SETMAR: variants seen among roughly 807,000 people sequenced by gnomAD.
SETMAR encodes histone-lysine N-methyltransferase SETMAR.
In SETMAR, 44 loss-of-function variants were observed where a neutral mutation model predicts 58.4. The ratio of observed to expected loss-of-function variants is 0.75; its 90% CI spans 0.59 to 0.97. The LOEUF (loss-of-function observed/expected upper bound fraction) is 0.97. Ranked by LOEUF, SETMAR falls within the 50% of genes least tolerant of loss-of-function variation. SETMAR has a pLI of 0.00. For missense variants in SETMAR, 903 were observed against 840.2 expected, an observed-to-expected ratio of 1.07 and a Z score of -0.92; for synonymous variants, 332 against 307.4, an observed-to-expected ratio of 1.08 and a Z score of -0.84.
At chr3:4,307,335 A>T (rs1156921348) in intron 1 of SETMAR, among the ~76,000 whole-genome samples, 2 of 152,214 alleles carry the variant, frequency 1.3e-5, no homozygotes, top group Non-Finnish European at 2.9e-5. Context: ...TCCTATGGAT[A>T]GGAACCCCAC....
In SETMAR at chr3:4,313,142, A is replaced by T. The variant is rs138879830; in HGVS notation, c.401A>T (p.Gln134Leu). The change falls in exon 2 of 3, where the codon CAG (glutamine) becomes CTG (leucine). Residue 134 changes from glutamine (Q) to leucine (L), a missense_variant. By Grantham distance (113) the Gln-to-Leu change is moderately radical. Transcript: ENST00000358065. The part of the protein sequence containing the change: ...CSDHCRNRVV[Q>L]KGLQFHFQVF... The stretch of plus-strand genomic sequence containing the variant: ...GACCACTGCAGAAACAGAGTGGTCC[A>T]GAAAGGTCTACAGTTCCACTTCCAA... The T allele has an allele frequency of 2.9e-4, 471 of 1,613,950 alleles. No homozygotes were observed. The highest frequency in any genetic ancestry group is 3.6e-4 in the Non-Finnish European group (428 of 1,179,978).
intron 1 of SETMAR, among the ~76,000 whole-genome samples, 184 bp from the exon 2 acceptor site, chr3:4,312,714 A>AAAC (rs1553553377): frequency 6.6e-6 from 1 of 151,590 alleles, no homozygotes; most frequent in African/African-American, 2.4e-5. Flanking sequence ...AAAAAAAAAA[A>AAAC]AAAAAAACTT....
intron 1 of SETMAR, among the ~76,000 whole-genome samples, chr3:4,305,021 A>G (rs1054281158): frequency 1.3e-5 from 2 of 152,042 alleles, no homozygotes; most frequent in South Asian, 2.1e-4. Context: ...CTGGTTAACA[A>G]TTTTTCTGGT....
Position 4,316,846 on chromosome 3 carries a change from A to T in SETMAR, c.1655A>T (p.Glu552Val). 1 of 1,550,090 alleles carries T rather than the reference A, an allele frequency of 6.5e-7. No homozygotes were observed. The highest frequency in any genetic ancestry group is 8.7e-7 in the Non-Finnish European group (1 of 1,146,740). Residue 552 changes from glutamate (E) to valine (V), a missense_variant, in exon 3 of 3, where the codon GAA becomes GTA. Glu to Val is a moderately radical substitution (Grantham distance 121, BLOSUM62 -2). Coordinates refer to ENST00000358065, the MANE Select transcript of SETMAR (RefSeq NM_006515.4). ...CACTACAGCTTTCTGAATCCCGGTG[A>T]AACCATTACATCTGAGAAGTATGCT... ...LIHYSFLNPG[E>V]TITSEKYAQE...
chr3:4,316,215 A>T lies in SETMAR; in HGVS notation c.1024A>T (p.Met342Leu). ...PSCKRLTLET[M>L]KMMLDKKQIR... The stretch of plus-strand genomic sequence containing the variant: ...TTGCTGTTTATGTTTATTTTAGACT[A>T]TGAAAATGATGTTAGACAAAAAGCA... Residue 342 changes from methionine (M) to leucine (L), a missense_variant, in exon 3 of 3, where the codon ATG becomes TTG. Coordinates refer to ENST00000358065, the MANE Select transcript of SETMAR (RefSeq NM_006515.4). 1 of 699,050 alleles carries T rather than the reference A, an allele frequency of 1.4e-6. No homozygotes were observed. Among genetic ancestry groups the T allele is most frequent in the Non-Finnish European group, 2.6e-6 (1 of 386,790 alleles). The allele number at this position is 699,050 out of a possible 1,614,324, so 43.3% of individuals were successfully genotyped here. A position where few individuals can be genotyped will look rare whatever the true frequency, so the allele number is the denominator to read the frequency against.
intron 1 of SETMAR, among the ~76,000 whole-genome samples, chr3:4,311,288 A>G (rs1444516644): frequency 4.6e-5 from 7 of 152,152 alleles, no homozygotes; most frequent in African/African-American, 1.7e-4. Context: ...CTGCTGTTCA[A>G]TACCTTTCTA....
Position 4,312,979 on chromosome 3 carries a change from A to T in SETMAR, c.238A>T (p.Thr80Ser). 3 of 1,613,886 alleles carry T rather than the reference A, an allele frequency of 1.9e-6. No individual in the cohort carries two copies. Among genetic ancestry groups the T allele is most frequent in the Non-Finnish European group, 2.5e-6 (3 of 1,179,912 alleles). ...CTTTCCCGGATGCATTTGTGTCAAA[A>T]CTCCCTGCCTCCCTGGCACTTGCTC... ...ITFPGCICVK[T>S]PCLPGTCSCL... is the part of the protein sequence containing the mutation. Residue 80 changes from threonine to serine, a missense_variant, in exon 2 of 3, where the codon ACT becomes TCT. Physicochemically the swap from Thr to Ser is moderately conservative, Grantham distance 58. Coordinates refer to ENST00000358065, the MANE Select transcript of SETMAR (RefSeq NM_006515.4).
rs200067979 is a variant in SETMAR at position 4,303,394 on chromosome 3, G to C, written c.24G>C (p.Thr8=). ...AAATGTTCGCGGAAGCGGCAAAGAC[G>C]ACACGGCCTTGTGGGATGGCGGAGT... MFAEAAK[T]TRPCGMAEFK... Residue 8 remains threonine (T), a synonymous_variant, in exon 1 of 3, where the codon ACG becomes ACC. Coordinates refer to ENST00000358065, the MANE Select transcript of SETMAR (RefSeq NM_006515.4). The C allele has an allele frequency of 2.1e-5, 33 of 1,559,486 alleles. No individual in the cohort carries two copies. The East Asian group carries it at 5.5e-4, about 26-fold the overall frequency.
At chr3:4,314,971 T>G (rs1362785640) in intron 2 of SETMAR, among the ~76,000 whole-genome samples, 1 of 152,190 alleles carries the variant, frequency 6.6e-6, no homozygotes, top group Non-Finnish European at 1.5e-5. Flanking sequence ...ATTGTACACT[T>G]TAAATGAGTG....
Position 4,316,685 on chromosome 3 carries a change from G to T in SETMAR, c.1494G>T (p.Lys498Asn). 1 of 1,551,180 alleles carries T rather than the reference G, an allele frequency of 6.4e-7. No individual in the cohort carries two copies. Among genetic ancestry groups the T allele is most frequent in the Non-Finnish European group, 8.7e-7 (1 of 1,146,792 alleles). Residue 498 changes from lysine (K) to asparagine (N), a missense_variant, in exon 3 of 3, where the codon AAG (lysine) becomes AAT (asparagine). Physicochemically the swap from Lys to Asn is moderately conservative, Grantham distance 94 (BLOSUM62 0). Transcript: ENST00000358065. ...FLDRIVTCDE[K>N]WILYDNRRRS... Reference sequence around the variant, plus strand: ...ATCGGATTGTGACGTGTGATGAAAAGTGGATTTTATATGACAACCGGCGAC... The same window carrying T: ...ATCGGATTGTGACGTGTGATGAAAATTGGATTTTATATGACAACCGGCGAC...
rs771637117 is a variant in SETMAR at position 4,313,402 on chromosome 3, T to C, written c.661T>C (p.Phe221Leu). 2.5e-6 allele frequency: 4 copies of C among 1,613,920 alleles called. No individual in the cohort carries two copies. The highest frequency in any genetic ancestry group is 1.7e-5 in the Admixed American group (1 of 59,980). ...TACTTATATAGGAAATATTGGAAGATTCCTTAATCATTCTTGTGAGCCAAA... is the reference window on the plus strand; with the variant it reads ...TACTTATATAGGAAATATTGGAAGACTCCTTAATCATTCTTGTGAGCCAAA... ...DPTYIGNIGR[F>L]LNHSCEPNLL... Residue 221 changes from phenylalanine to leucine, a missense_variant, in exon 2 of 3, where the codon TTC becomes CTC. Physicochemically the swap from Phe to Leu is conservative, Grantham distance 22 (BLOSUM62 0). Transcript: ENST00000358065.
chr3:4,311,516 G>A, intron 1 of SETMAR, among the ~76,000 whole-genome samples: 1 of 152,154 alleles, frequency 6.6e-6, no homozygotes, highest in Non-Finnish European at 1.5e-5. Flanking sequence ...GGAAAAGAAT[G>A]GTTTAGAAGA....
At chr3:4,304,266 C>A (rs942989505) in intron 1 of SETMAR, among the ~76,000 whole-genome samples, 1 of 152,158 alleles carries the variant, frequency 6.6e-6, no homozygotes, top group African/African-American at 2.4e-5. Context: ...CTCAGCCTCC[C>A]GAGTAGCTGG....
intron 1 of SETMAR, 196 bp downstream of exon 1, chr3:4,303,722 G>A: frequency 2.0e-6 from 3 of 1,502,824 alleles, no homozygotes; most frequent in Non-Finnish European, 2.7e-6. Flanking sequence ...ACCTTAGCAA[G>A]GGTGTTGTCC....
chr3:4,314,071 C>T, intron 2 of SETMAR: 1 of 480,484 alleles, frequency 2.1e-6, no homozygotes, highest in East Asian at 3.5e-5. Context: ...TTCCTGCTGG[C>T]TGGAATGTAT....
Position 4,313,675 on chromosome 3 carries a change from A to T in SETMAR, c.934A>T (p.Asn312Tyr), listed in dbSNP as rs1422713665. ...TCTGTACTGCCCCGTAGAAAAGTCG[A>T]ACATCAGTTGTGGAAATGAGAAGGA... The part of the protein sequence containing the change: ...SSLYCPVEKS[N>Y]ISCGNEKEPS... Residue 312 changes from asparagine to tyrosine, a missense_variant, in exon 2 of 3, where the codon AAC becomes TAC. Transcript: ENST00000358065. 1 of 1,614,002 alleles carries T rather than the reference A, an allele frequency of 6.2e-7. No individual in the cohort carries two copies. The highest frequency in any genetic ancestry group is 8.5e-7 in the Non-Finnish European group (1 of 1,179,942).
intron 1 of SETMAR, 121 bp from the exon 2 acceptor site, chr3:4,312,777 A>G (rs1406844452): frequency 1.6e-5 from 19 of 1,153,498 alleles, no homozygotes; most frequent in Non-Finnish European, 1.8e-5. Flanking sequence ...CTGTGTTTTG[A>G]CAGTTTTGTC....
At chr3:4,308,452 A>G (rs1698278050) in intron 1 of SETMAR, among the ~76,000 whole-genome samples, 1 of 152,256 alleles carries the variant, frequency 6.6e-6, no homozygotes, top group Non-Finnish European at 1.5e-5. Context: ...TGTTTTAAAT[A>G]TAACATCTAA....
chr3:4,312,406 G>A (rs1698441297), intron 1 of SETMAR, among the ~76,000 whole-genome samples: 1 of 152,016 alleles, frequency 6.6e-6, no homozygotes, highest in Non-Finnish European at 1.5e-5. Context: ...GAAAAAAATA[G>A]TATTTTTCTT....
Sources: allele counts gnomAD v4.1 joint callset (sites outside exome capture counted in the v4.1 genomes callset), GRCh38; gene constraint gnomAD v4.1.1; transcripts MANE v1.5; gene names NCBI Gene and HGNC (gene_info 2026-07-23, HGNC 2026-07-21).